The following SPATA13 variants were observed in gnomAD, a reference collection of about 807,000 sequenced individuals.
The protein encoded by SPATA13 is spermatogenesis-associated protein 13.
A neutral mutation model predicts 104.0 loss-of-function variants in SPATA13; 50 were observed. That is an observed-to-expected ratio of 0.48 (90% CI 0.38 to 0.61). The LOEUF (loss-of-function observed/expected upper bound fraction) is 0.61, where lower values mean the gene tolerates loss of function less well. Among genes scored for constraint, SPATA13 ranks in the 20% least tolerant of loss-of-function variants. SPATA13 has a pLI of 0.00. For missense variants in SPATA13, 1,524 were observed against 1,690.6 expected (o/e 0.90, Z 1.73); for synonymous variants, 606 against 667.5 (o/e 0.91, Z 1.42).
intron 3 of SPATA13, among the ~76,000 whole-genome samples, chr13:24,127,464 C>T (rs542870390): frequency 7.1e-4 from 108 of 152,278 alleles, no homozygotes; most frequent in East Asian, 3.9e-3. Context: ...GGGGAGCCCC[C>T]GTAGGTAGTC....
chr13:24,163,488 G>T (rs1447369607), intron 1 of SPATA13, among the ~76,000 whole-genome samples: 1 of 152,190 alleles, frequency 6.6e-6, no homozygotes, highest in East Asian at 1.9e-4. Flanking sequence ...ACTTTAGCTG[G>T]ACAGATCTTT....
In SPATA13 at chr13:24,230,465, C is replaced by T. The variant is rs182247540; in HGVS notation, c.1653+5883C>T. ...GGAGTGGGGTCTTTAGTGCCCCGGG[C>T]GGCGGTTGCAGAAGGGCACTGGACT... is the stretch of plus-strand genomic sequence containing the variant. On this transcript the variant is annotated intron_variant, in intron 2 of 12. Transcript: ENST00000382108. 1.8e-3 allele frequency among the ~76,000 whole-genome samples: 277 copies of T among 152,176 alleles called. 1 individual carries two copies. The highest frequency in any genetic ancestry group is 1.6e-3 in the Non-Finnish European group (111 of 67,996).
At chr13:24,209,104 G>A (rs1035222156) in intron 1 of SPATA13, among the ~76,000 whole-genome samples, 1 of 152,144 alleles carries the variant, frequency 6.6e-6, no homozygotes, top group Non-Finnish European at 1.5e-5. Flanking sequence ...TCATTCTAAC[G>A]GAGGTGCAGA....
intron 3 of SPATA13, among the ~76,000 whole-genome samples, chr13:24,140,706 CA>C (rs1420255188): frequency 6.6e-6 from 1 of 151,962 alleles, no homozygotes. Context: ...GTATTTAAGT[CA>C]AAGAGCCAAG....
chr13:24,277,392 C>T (rs937681799), intron 4 of SPATA13, among the ~76,000 whole-genome samples: 19 of 143,998 alleles, frequency 1.3e-4, no homozygotes, highest in Admixed American at 1.2e-3. Context: ...TGCAGTGACC[C>T]GAGATCGCGC....
chr13:24,027,412 C>T (rs1490762354), intron 3 of SPATA13, among the ~76,000 whole-genome samples: 3 of 152,130 alleles, frequency 2.0e-5, no homozygotes, highest in Non-Finnish European at 2.9e-5. Context: ...GGATTACAGG[C>T]GTGAGCCACC....
At chr13:24,050,942 C>T (rs1026112225) in intron 3 of SPATA13, among the ~76,000 whole-genome samples, 2 of 152,210 alleles carry the variant, frequency 1.3e-5, no homozygotes, top group East Asian at 1.9e-4. Context: ...TATTTGCTGA[C>T]TTCAGTACTA....
intron 1 of SPATA13, among the ~76,000 whole-genome samples, chr13:24,213,705 A>G (rs1433338039): frequency 1.3e-5 from 2 of 152,218 alleles, no homozygotes; most frequent in Non-Finnish European, 2.9e-5. Flanking sequence ...GTATATTACT[A>G]ATGAACAACT....
chr13:24,168,035 C>T (rs186235084), intron 1 of SPATA13, among the ~76,000 whole-genome samples: 16 of 152,236 alleles, frequency 1.1e-4, no homozygotes, highest in East Asian at 1.9e-4. Flanking sequence ...CTCTTGATGA[C>T]GTAATTATTC....
intron 3 of SPATA13, among the ~76,000 whole-genome samples, chr13:24,085,850 G>A (rs1022581167): frequency 6.6e-6 from 1 of 152,196 alleles, no homozygotes; most frequent in African/African-American, 2.4e-5. Context: ...CTAGCCCCAG[G>A]GTGCTATTAA....
intron 3 of SPATA13, among the ~76,000 whole-genome samples, chr13:24,125,076 C>G (rs1359032252): frequency 6.6e-6 from 1 of 152,236 alleles, no homozygotes; most frequent in Non-Finnish European, 1.5e-5. Context: ...CCCATTGTCT[C>G]TCCTCTCTGC....
intron 1 of SPATA13, among the ~76,000 whole-genome samples, chr13:24,214,268 T>G (rs137908821): frequency 1.6e-4 from 24 of 152,362 alleles, no homozygotes; most frequent in African/African-American, 5.8e-4. Flanking sequence ...GCCAGATGCA[T>G]GTACAATAAA....
intron 1 of SPATA13, among the ~76,000 whole-genome samples, chr13:24,184,697 A>T (rs1368729095): frequency 1.3e-5 from 2 of 152,164 alleles, no homozygotes; most frequent in African/African-American, 4.8e-5. Flanking sequence ...TGCTAATTTC[A>T]TGATCTCAGT....
At chr13:24,133,080 C>T (rs185224228) in intron 3 of SPATA13, among the ~76,000 whole-genome samples, 3 of 152,318 alleles carry the variant, frequency 2.0e-5, no homozygotes, top group Admixed American at 6.5e-5. Context: ...CCAACATTAG[C>T]AATGGATTCC....
intron 3 of SPATA13, among the ~76,000 whole-genome samples, chr13:24,101,283 A>G (rs6650256): frequency 8.7e-4 from 132 of 152,324 alleles, no homozygotes; most frequent in African/African-American, 3.1e-3. Context: ...ATTTCATCAT[A>G]CAGATGCACC....
intron 2 of SPATA13, among the ~76,000 whole-genome samples, chr13:24,010,972 T>A (rs1211163295): frequency 6.6e-6 from 1 of 151,980 alleles, no homozygotes. Flanking sequence ...CCCCTCGGAT[T>A]GTCCTAGAGG....
At chr13:24,173,362 TTGTGTGTGTGTGTGTGTGTGTGTG>T (rs60850610) in intron 1 of SPATA13, among the ~76,000 whole-genome samples, 1 of 146,722 alleles carries the variant, frequency 6.8e-6, no homozygotes, top group Non-Finnish European at 1.5e-5. Context: ...TAGTTCTTAG[TTGTGTGTGTGTGTGTGTGTGTGTG>T]TGTGTGTGTG....
At chr13:24,301,010 A>G (rs1877148706) in intron 12 of SPATA13, among the ~76,000 whole-genome samples, 1 of 152,186 alleles carries the variant, frequency 6.6e-6, no homozygotes, top group Non-Finnish European at 1.5e-5. Context: ...CTCCATGCAC[A>G]TTAGAATTCC....
chr13:24,049,427 T>A (rs1213095564), intron 3 of SPATA13, among the ~76,000 whole-genome samples: 2 of 152,220 alleles, frequency 1.3e-5, no homozygotes, highest in Non-Finnish European at 2.9e-5. Flanking sequence ...CGCTGTTTGG[T>A]GGGCTACATT....
Sources: allele counts gnomAD v4.1 joint callset (sites outside exome capture counted in the v4.1 genomes callset), GRCh38; gene constraint gnomAD v4.1.1; transcripts MANE v1.5; gene names NCBI Gene and HGNC (gene_info 2026-07-23, HGNC 2026-07-21).